Variants in WWOX observed in about 807,000 individuals in gnomAD.
The protein encoded by WWOX is WW domain-containing oxidoreductase.
Under a neutral mutation model 46.2 loss-of-function variants are expected in WWOX, and 69 were observed. The observed-to-expected ratio is 1.49, with a 90% CI of 1.23 to 1.82. The LOEUF is 1.82. Among genes scored for constraint, WWOX ranks in the 40% most tolerant of loss-of-function variants. The pLI is 0.00. For missense variants in WWOX, 919 were observed against 542.6 expected (o/e 1.69, Z -6.89); for synonymous variants, 359 against 202.6 (o/e 1.77, Z -6.56).
intron 8 of WWOX, among the ~76,000 whole-genome samples, chr16:78,888,704 C>G (rs1040375738): frequency 2.0e-5 from 3 of 152,164 alleles, no homozygotes; most frequent in East Asian, 1.9e-4. Flanking sequence ...AATCCCTTTG[C>G]TCATCTCTAG....
intron 8 of WWOX, among the ~76,000 whole-genome samples, chr16:79,138,739 G>C (rs1345600811): frequency 1.3e-5 from 2 of 152,194 alleles, no homozygotes; most frequent in African/African-American, 2.4e-5. Flanking sequence ...CTGTTAATTA[G>C]ACTGTGAGTC....
At chr16:78,907,316 G>T (rs1159573935) in intron 8 of WWOX, among the ~76,000 whole-genome samples, 1 of 152,140 alleles carries the variant, frequency 6.6e-6, no homozygotes, top group African/African-American at 2.4e-5. Flanking sequence ...CATTTCAGAA[G>T]GCCAACCTTA....
intron 8 of WWOX, among the ~76,000 whole-genome samples, chr16:78,970,858 G>A (rs2046455212): frequency 2.0e-5 from 3 of 152,044 alleles, no homozygotes; most frequent in Admixed American, 6.6e-5. Context: ...CTTCAGGCAC[G>A]GCTGGATCCA....
intron 8 of WWOX, among the ~76,000 whole-genome samples, chr16:79,012,746 C>G (rs957238237): frequency 2.0e-5 from 3 of 152,152 alleles, no homozygotes; most frequent in African/African-American, 7.2e-5. Flanking sequence ...TTTTTCCTCC[C>G]CTGGTGGCCA....
chr16:78,481,828 T>A (rs2084499626), intron 8 of WWOX, among the ~76,000 whole-genome samples: 1 of 151,116 alleles, frequency 6.6e-6, no homozygotes, highest in South Asian at 2.1e-4. Flanking sequence ...TGTGAAGACA[T>A]AACACATATC....
At position 78,442,194 on chromosome 16, in the gene WWOX, A is replaced by C. The variant is rs763492125; in HGVS notation, c.1056+9442A>C. 2.5e-4 allele frequency among the ~76,000 whole-genome samples: 38 copies of C among 152,110 alleles called. 1 individual carries two copies. Among genetic ancestry groups the C allele is most frequent in the Admixed American group, 6.5e-5 (1 of 15,270 alleles). On this transcript the variant is annotated intron_variant, in intron 8 of 8. Coordinates refer to ENST00000566780, the MANE Select transcript of WWOX (RefSeq NM_016373.4). The stretch of plus-strand genomic sequence containing the variant: ...TGTGAAATGTGATGTTTTGATATTC[A>C]TATGCATTGTGAAATGACTACCACA...
In WWOX at chr16:79,212,579, A is replaced by G. The variant is rs1179139363; in HGVS notation, c.*783A>G. 6.1e-6 allele frequency: 1 copy of G among 163,222 alleles called. No homozygotes were observed. Among genetic ancestry groups the G allele is most frequent in the East Asian group, 1.7e-4 (1 of 6,052 alleles). 10.1% of individuals were successfully genotyped at this position (163,222 alleles called of 1,614,324 possible). ...GTTAATCCCTTTGTCTGTCAATCAC[A>G]GTCTCAGTTCTCTTGCTTTCACATT... On this transcript the variant is annotated 3_prime_UTR_variant, in exon 9 of 9. Transcript: ENST00000566780.
chr16:78,665,405 T>A (rs572443234), intron 8 of WWOX, among the ~76,000 whole-genome samples: 3 of 152,182 alleles, frequency 2.0e-5, no homozygotes, highest in Non-Finnish European at 4.4e-5. Context: ...AGTTACTGAA[T>A]ATAACTATTG....
intron 8 of WWOX, among the ~76,000 whole-genome samples, chr16:78,920,235 T>G (rs1597151769): frequency 6.6e-6 from 1 of 152,280 alleles, no homozygotes; most frequent in Non-Finnish European, 1.5e-5. Flanking sequence ...TCTTAAAGTT[T>G]CTTCCAGGAC....
At chr16:78,996,370 G>GCCCCC (rs1335085239) in intron 8 of WWOX, 1 of 834,518 alleles carries the variant, frequency 1.2e-6, no homozygotes. Context: ...AGTGAATTCT[G>GCCCCC]CACCCACCCC....
intron 8 of WWOX, among the ~76,000 whole-genome samples, chr16:79,095,751 C>G (rs1284833340): frequency 6.6e-6 from 1 of 151,768 alleles, no homozygotes; most frequent in Non-Finnish European, 1.5e-5. Flanking sequence ...GAGCAAGGGA[C>G]AAACCTCACA....
At chr16:78,833,809 C>G (rs746568692) in intron 8 of WWOX, among the ~76,000 whole-genome samples, 1 of 152,260 alleles carries the variant, frequency 6.6e-6, no homozygotes, top group African/African-American at 2.4e-5. Context: ...CAGAGTCACA[C>G]AGCTCACAAG....
intron 5 of WWOX, among the ~76,000 whole-genome samples, chr16:78,276,674 C>T (rs1225049206): frequency 1.3e-5 from 2 of 152,196 alleles, no homozygotes; most frequent in African/African-American, 4.8e-5. Context: ...TGTGATCTCT[C>T]AGTTGCTTGC....
At chr16:79,033,437 C>G (rs112719773) in intron 8 of WWOX, among the ~76,000 whole-genome samples, 4,466 of 150,276 alleles carry the variant, frequency 0.03, 211 homozygotes, top group African/African-American at 0.1. Context: ...TGTAGATGTA[C>G]CACATTTTCT....
At chr16:78,805,297 G>A (rs1366711985) in intron 8 of WWOX, among the ~76,000 whole-genome samples, 1 of 152,158 alleles carries the variant, frequency 6.6e-6, no homozygotes, top group Non-Finnish European at 1.5e-5. Context: ...CTGTCGCCCA[G>A]GCTCGAGTGC....
chr16:78,732,038 A>C (rs2048982513), intron 8 of WWOX, among the ~76,000 whole-genome samples: 1 of 151,618 alleles, frequency 6.6e-6, no homozygotes, highest in African/African-American at 2.4e-5. Flanking sequence ...CAAACAAAAC[A>C]CTTTTTGTAG....
intron 5 of WWOX, among the ~76,000 whole-genome samples, chr16:78,245,714 C>T (rs1474797998): frequency 6.6e-6 from 1 of 152,206 alleles, no homozygotes; most frequent in Non-Finnish European, 1.5e-5. Flanking sequence ...CACATGGAAT[C>T]GGTCCTGAGG....
At chr16:79,122,070 G>A (rs915697136) in intron 8 of WWOX, among the ~76,000 whole-genome samples, 13 of 152,166 alleles carry the variant, frequency 8.5e-5, no homozygotes, top group African/African-American at 2.9e-4. Context: ...ACGCATGTAG[G>A]GTGTGAGGGT....
At chr16:78,826,028 A>G (rs1345274570) in intron 8 of WWOX, 3 of 508,314 alleles carry the variant, frequency 5.9e-6, no homozygotes, top group Non-Finnish European at 1.1e-5. Context: ...TGGCAGTTGT[A>G]TTCGGAGTCT....
Sources: gnomAD v4.1 joint callset for allele counts (sites outside exome capture counted in the v4.1 genomes callset) on GRCh38, gnomAD v4.1.1 for gene constraint, MANE v1.5 for transcripts, NCBI Gene and HGNC (gene_info 2026-07-23, HGNC 2026-07-21) for gene names.